Variants in PPME1 observed in about 807,000 individuals in gnomAD.
PPME1 encodes the protein protein phosphatase methylesterase 1.
In PPME1, 17 loss-of-function variants were observed where a neutral mutation model predicts 56.9. The ratio of observed to expected loss-of-function variants is 0.30; its 90% confidence interval spans 0.20 to 0.45. PPME1 has a LOEUF of 0.45. Among genes scored for constraint, PPME1 ranks in the 20% least tolerant of loss-of-function variants. The pLI is 1.00. For missense variants in PPME1, 357 were observed against 483.2 expected (o/e 0.74, Z 2.45); for synonymous variants, 122 against 156.2 (o/e 0.78, Z 1.63).
intron 3 of PPME1, among the ~76,000 whole-genome samples, chr11:74,219,334 TAA>T (rs35167391): frequency 9.1e-5 from 12 of 132,114 alleles, no homozygotes; most frequent in East Asian, 2.1e-4. Context: ...GTTGATTCCT[TAA>T]AAAAAAAAAA....
At chr11:74,209,256 G>A (rs7106817) in intron 3 of PPME1, among the ~76,000 whole-genome samples, 15,907 of 151,892 alleles carry the variant, frequency 0.1, 2,171 homozygotes, top group African/African-American at 0.32. Context: ...ACAGGTGCGC[G>A]CTGCCACACT....
chr11:74,239,436 G>C lies in PPME1; in HGVS notation c.834+180G>C, dbSNP rs578243632. On this transcript the variant is annotated intron_variant, in intron 9 of 13. Transcript: ENST00000328257. ...GATGTAAAGCACTGTTGATAGCTCT[G>C]ACCAATTGGAACATAAAACTTACGC... is the stretch of plus-strand genomic sequence containing the variant. Among the ~76,000 whole-genome samples the C allele has an allele frequency of 6.6e-5, 10 of 152,248 alleles. No individual in the cohort carries two copies. The South Asian group carries it at 2.1e-3, about 32-fold the overall frequency.
chr11:74,226,856 A>G (rs938683059), intron 5 of PPME1, among the ~76,000 whole-genome samples: 5 of 152,202 alleles, frequency 3.3e-5, no homozygotes, highest in African/African-American at 1.2e-4. Flanking sequence ...GGTAGTAAGA[A>G]GTAACAAAAA....
At chr11:74,207,922 C>A (rs1355590583) in intron 3 of PPME1, among the ~76,000 whole-genome samples, 4 of 152,154 alleles carry the variant, frequency 2.6e-5, no homozygotes, top group Admixed American at 2.6e-4. Flanking sequence ...TCTGCTGATT[C>A]CCATTTCTTC....
Position 74,246,172 on chromosome 11 carries a change from A to T in PPME1, c.931A>T (p.Ser311Cys). The part of the protein sequence containing the change: ...WFRGLSNLFL[S>C]CPIPKLLLLA... ...CCGAGGCTTATCCAATCTCTTTCTTAGTTGTCCCATTCCTAAATTGCTGCT... is the reference window on the plus strand; with the variant it reads ...CCGAGGCTTATCCAATCTCTTTCTTTGTTGTCCCATTCCTAAATTGCTGCT... The change falls in exon 10 of 14, where the codon AGT becomes TGT. Residue 311 changes from serine to cysteine, a missense_variant. By Grantham distance (112) the Ser-to-Cys change is moderately radical. Around this residue, in one of 2 missense-constraint regions of PPME1, gnomAD observed 182 missense variants for 293.8 expected, o/e 0.62. Transcript: ENST00000328257. 1.3e-6 allele frequency: 2 copies of T among 1,552,528 alleles called. No individual in the cohort carries two copies. Among genetic ancestry groups the T allele is most frequent in the African/African-American group, 1.4e-5 (1 of 73,180 alleles).
chr11:74,203,865 T>A, intron 2 of PPME1, 44 bp downstream of exon 2: 2 of 1,385,030 alleles, frequency 1.4e-6, no homozygotes, highest in Non-Finnish European at 2.0e-6. Context: ...GCTTATGATG[T>A]TGTCTAAGTT....
intron 8 of PPME1, 29 bp downstream of exon 8, chr11:74,235,995 G>T (rs768609076): frequency 1.2e-6 from 2 of 1,605,942 alleles, no homozygotes; most frequent in African/African-American, 2.7e-5. Context: ...CCTTGGTCTG[G>T]TTAGAGGCGG....
At chr11:74,182,358 A>G (rs1857563353) in intron 1 of PPME1, among the ~76,000 whole-genome samples, 1 of 151,686 alleles carries the variant, frequency 6.6e-6, no homozygotes, top group Admixed American at 6.6e-5. Context: ...ATTTAAATTG[A>G]TAATGTCTTT....
rs35057762 is a variant in PPME1 at position 74,232,860 on chromosome 11, A to ATTTTTTTT, written c.644+1873_644+1880dup. The stretch of plus-strand genomic sequence containing the variant: ...ATGCCCAGCTAATTTTTGTTATTTG[A>ATTTTTTTT]TTTTTTTTTTTTTTTTTTTTTTGTA... On this transcript the variant is annotated intron_variant, in intron 7 of 13. Coordinates refer to ENST00000328257, the MANE Select transcript of PPME1 (RefSeq NM_016147.3). Among the ~76,000 whole-genome samples the ATTTTTTTT allele has an allele frequency of 2.1e-5, 2 of 93,862 alleles. 1 individual carries two copies. Among genetic ancestry groups the ATTTTTTTT allele is most frequent in the African/African-American group, 9.2e-5 (2 of 21,684 alleles). 61.6% of individuals were successfully genotyped at this position (93,862 alleles called of 152,430 possible).
intron 1 of PPME1, among the ~76,000 whole-genome samples, chr11:74,203,319 A>G (rs1858224466): frequency 6.6e-6 from 1 of 152,134 alleles, no homozygotes; most frequent in Non-Finnish European, 1.5e-5. Flanking sequence ...AAGACTATTG[A>G]CTGTTGACTG....
intron 10 of PPME1, 66 bp from the exon 11 acceptor site, chr11:74,247,012 TG>T: frequency 7.5e-7 from 1 of 1,333,478 alleles, no homozygotes. Context: ...TTTAAAACTT[TG>T]TAACACTTTT....
chr11:74,235,460 G>A (rs1420003845), intron 7 of PPME1, among the ~76,000 whole-genome samples: 5 of 152,072 alleles, frequency 3.3e-5, no homozygotes, highest in African/African-American at 1.2e-4. Flanking sequence ...CCTCTGCCTA[G>A]AATGCTCTAA....
At chr11:74,177,484 A>T (rs1181854798) in intron 1 of PPME1, among the ~76,000 whole-genome samples, 1 of 152,072 alleles carries the variant, frequency 6.6e-6, no homozygotes, top group Non-Finnish European at 1.5e-5. Context: ...CTCACTGATT[A>T]AAATGACACC....
At chr11:74,205,866 T>C (rs1565383063) in intron 3 of PPME1, 1 of 152,198 alleles carries the variant, frequency 6.6e-6, no homozygotes, top group Non-Finnish European at 1.5e-5. Context: ...AAACCACGTA[T>C]GTCATTTTAA....
chr11:74,205,161 TATCTC>T (rs1435955322), intron 3 of PPME1: 2 of 152,230 alleles, frequency 1.3e-5, no homozygotes, highest in Non-Finnish European at 1.5e-5. Flanking sequence ...CACATGGAGA[TATCTC>T]ATAAGAACTT....
chr11:74,226,672 G>C (rs748737564), intron 5 of PPME1, among the ~76,000 whole-genome samples: 3 of 152,120 alleles, frequency 2.0e-5, no homozygotes, highest in Non-Finnish European at 4.4e-5. Context: ...TGATAGCTTG[G>C]TTGACATTCT....
At chr11:74,175,315 CAACATAGAAAAACACCGTCTCTCCTAAAA>C (rs1262833041) in intron 1 of PPME1, among the ~76,000 whole-genome samples, 2 of 151,964 alleles carry the variant, frequency 1.3e-5, no homozygotes, top group African/African-American at 4.8e-5. Flanking sequence ...CCAGCCTGAC[CAACATAGAAAAACACCGTCTCTCCTAAAA>C]ATACAAAATT....
intron 3 of PPME1, among the ~76,000 whole-genome samples, chr11:74,212,828 T>C (rs541725940): frequency 2.0e-5 from 3 of 152,238 alleles, no homozygotes; most frequent in Admixed American, 6.5e-5. Context: ...CTTTGGGTCC[T>C]GAATAATCAG....
At chr11:74,183,016 G>A (rs1857581465) in intron 1 of PPME1, among the ~76,000 whole-genome samples, 1 of 151,706 alleles carries the variant, frequency 6.6e-6, no homozygotes, top group South Asian at 2.1e-4. Flanking sequence ...AAAAAGTACG[G>A]GCTGGTGCAG....
Sources: gnomAD v4.1 joint callset for allele counts (sites outside exome capture counted in the v4.1 genomes callset) on GRCh38, gnomAD v4.1.1 for gene constraint, gnomAD v4.1.1 regional missense constraint, MANE v1.5 for transcripts, NCBI Gene and HGNC (gene_info 2026-07-23, HGNC 2026-07-21) for gene names.